The following EYA2 variants were observed in gnomAD, a reference collection of about 807,000 sequenced individuals.
EYA2 encodes the protein EYA transcriptional coactivator and phosphatase 2, also known as protein phosphatase EYA2.
In EYA2, 31 loss-of-function variants were observed where a neutral mutation model predicts 69.2. The observed-to-expected ratio is 0.45, with a 90% CI of 0.34 to 0.60. The LOEUF is 0.60. Among genes scored for constraint, EYA2 ranks in the 20% least tolerant of loss-of-function variants. The pLI is 0.02. For synonymous variants in EYA2, 257 were observed against 279.4 expected, an observed-to-expected ratio of 0.92 and a Z score of 0.80; for missense variants, 622 against 701.2, an observed-to-expected ratio of 0.89 and a Z score of 1.28.
At chr20:47,173,522 A>C (rs2034368773) in intron 12 of EYA2, among the ~76,000 whole-genome samples, 1 of 151,320 alleles carries the variant, frequency 6.6e-6, no homozygotes, top group Non-Finnish European at 1.5e-5. Context: ...AAAAAAAAAA[A>C]AAAAAAAAAA....
chr20:47,156,186 T>TATA (rs2033947966), intron 10 of EYA2, among the ~76,000 whole-genome samples: 1 of 88,776 alleles, frequency 1.1e-5, no homozygotes, highest in Non-Finnish European at 2.3e-5. Context: ...ATATATATAT[T>TATA]AGCCGGGCAT....
chr20:47,142,793 A>G lies in EYA2; in HGVS notation c.889-266A>G, dbSNP rs113358851. On this transcript the variant is annotated intron_variant, in intron 9 of 15. Transcript: ENST00000327619. Reference sequence around the variant, plus strand: ...GATAAGTGTCCTTGCAACGCTGAACACTGTTGCAATCCCAGGGTCATTTTC... The same window carrying G: ...GATAAGTGTCCTTGCAACGCTGAACGCTGTTGCAATCCCAGGGTCATTTTC... Among the ~76,000 whole-genome samples, 335 of 152,354 alleles carry G rather than the reference A, an allele frequency of 2.2e-3. 2 individuals are homozygous for G. The highest frequency in any genetic ancestry group is 7.7e-3 in the African/African-American group (321 of 41,588).
intron 5 of EYA2, among the ~76,000 whole-genome samples, chr20:47,027,939 G>A (rs1044892943): frequency 6.6e-6 from 1 of 152,220 alleles, no homozygotes; most frequent in Non-Finnish European, 1.5e-5. Flanking sequence ...GTTATGGACT[G>A]AATTGTTTCC....
intron 9 of EYA2, among the ~76,000 whole-genome samples, chr20:47,124,060 G>A (rs1312154050): frequency 6.6e-6 from 1 of 152,022 alleles, no homozygotes; most frequent in Non-Finnish European, 1.5e-5. Flanking sequence ...AGAGAGTCCT[G>A]ATCCGGGCAC....
At position 47,157,211 on chromosome 20, in the gene EYA2, C is replaced by T. The variant is rs180675334; in HGVS notation, c.979-11928C>T. Among the ~76,000 whole-genome samples, 35 of 151,600 alleles carry T rather than the reference C, an allele frequency of 2.3e-4. 3 individuals are homozygous for T. In the East Asian group the frequency reaches 6.8e-3, roughly 29 times the overall value. On this transcript the variant is annotated intron_variant, in intron 10 of 15. Coordinates refer to ENST00000327619, the MANE Select transcript of EYA2 (RefSeq NM_005244.5). ...CTCTACTAAAAATACAAAAATTAGC[C>T]AGGCATAGTGGTGCACGCTGTAGTC...
chr20:47,157,137 T>C (rs2033968150), intron 10 of EYA2, among the ~76,000 whole-genome samples: 1 of 151,696 alleles, frequency 6.6e-6, no homozygotes, highest in East Asian at 2.0e-4. Flanking sequence ...GGCAGATCAC[T>C]TGAGGTCAGG....
chr20:47,088,572 C>A (rs1454976939), intron 7 of EYA2, among the ~76,000 whole-genome samples: 1 of 152,128 alleles, frequency 6.6e-6, no homozygotes, highest in African/African-American at 2.4e-5. Context: ...GCTGCCCCAC[C>A]CTGATTGATT....
chr20:47,044,532 A>T (rs2029932465), intron 5 of EYA2, among the ~76,000 whole-genome samples: 1 of 152,192 alleles, frequency 6.6e-6, no homozygotes, highest in Non-Finnish European at 1.5e-5. Context: ...GGGTGGGGGC[A>T]ATAGCAAGTT....
Position 47,145,584 on chromosome 20 carries a change from G to A in EYA2, c.978+2436G>A, listed in dbSNP as rs6018301. On this transcript the variant is annotated intron_variant, in intron 10 of 15. Coordinates refer to ENST00000327619, the MANE Select transcript of EYA2 (RefSeq NM_005244.5). ...TGTTAAAAAGACCTCTCTGGCTGCT[G>A]TGTGGAGAATGGGCAGTCAGAGGAG... Among the ~76,000 whole-genome samples, 1,149 of 152,264 alleles carry A rather than the reference G, an allele frequency of 7.5e-3. 18 individuals carry two copies. The highest frequency in any genetic ancestry group is 0.026 in the African/African-American group (1,082 of 41,552).
chr20:47,171,590 TGAGCAATTGGCCCAA>T (rs1334023780), intron 11 of EYA2, among the ~76,000 whole-genome samples: 1 of 152,088 alleles, frequency 6.6e-6, no homozygotes, highest in African/African-American at 2.4e-5. Flanking sequence ...ATAGAGAGAT[TGAGCAATTGGCCCAA>T]ACTCACATGG....
At position 47,188,174 on chromosome 20, in the gene EYA2, C is replaced by T. The variant is rs2146686061; in HGVS notation, c.*41C>T. On this transcript the variant is annotated 3_prime_UTR_variant, in exon 16 of 16. Transcript: ENST00000327619. ...CTCCACCTGCCATCTCACCCTCAGA[C>T]CCCCTCGCCTTCCCCACCTCCCCAC... The T allele has an allele frequency of 6.5e-7, 1 of 1,532,320 alleles. No homozygotes were observed. The highest frequency in any genetic ancestry group is 1.2e-5 in the South Asian group (1 of 83,848). The allele number at this position is 1,532,320 out of a possible 1,614,324, so 94.9% of individuals were successfully genotyped here. A position where few individuals can be genotyped will look rare whatever the true frequency, so the allele number is the denominator to read the frequency against.
intron 9 of EYA2, among the ~76,000 whole-genome samples, chr20:47,100,553 G>A (rs185888850): frequency 6.6e-6 from 1 of 152,294 alleles, no homozygotes; most frequent in East Asian, 1.9e-4. Context: ...AGTCTCCATC[G>A]TCCATAAGGA....
intron 6 of EYA2, among the ~76,000 whole-genome samples, chr20:47,073,222 A>G (rs975817456): frequency 1.3e-5 from 2 of 152,136 alleles, no homozygotes; most frequent in African/African-American, 2.4e-5. Flanking sequence ...GTTGAGAAGC[A>G]CTGGTTTGGT....
intron 5 of EYA2, among the ~76,000 whole-genome samples, chr20:47,037,685 T>A (rs1005369054): frequency 6.6e-6 from 1 of 152,114 alleles, no homozygotes; most frequent in Admixed American, 6.5e-5. Context: ...CCAGCTACAG[T>A]GGGTTGATCT....
At chr20:47,022,542 T>G (rs1251539052) in intron 5 of EYA2, among the ~76,000 whole-genome samples, 3 of 151,904 alleles carry the variant, frequency 2.0e-5, no homozygotes, top group Non-Finnish European at 2.9e-5. Flanking sequence ...TCGAACTCCT[T>G]ACCTCAAGTG....
intron 5 of EYA2, among the ~76,000 whole-genome samples, chr20:47,057,426 G>C (rs1193441433): frequency 6.6e-6 from 1 of 151,888 alleles, no homozygotes; most frequent in African/African-American, 2.4e-5. Flanking sequence ...GCTTGAGTGG[G>C]TGAATTTTGT....
intron 5 of EYA2, among the ~76,000 whole-genome samples, chr20:47,032,316 A>G (rs1223824848): frequency 6.6e-6 from 1 of 152,168 alleles, no homozygotes; most frequent in African/African-American, 2.4e-5. Flanking sequence ...TTTCCCATTC[A>G]GTAGCTTTAC....
chr20:47,043,295 A>G (rs921325082), intron 5 of EYA2, among the ~76,000 whole-genome samples: 1 of 152,150 alleles, frequency 6.6e-6, no homozygotes, highest in African/African-American at 2.4e-5. Context: ...TTTAAGTAGG[A>G]CAGGAGGCAC....
At chr20:46,934,701 A>T (rs1176289277) in intron 1 of EYA2, among the ~76,000 whole-genome samples, 1 of 151,976 alleles carries the variant, frequency 6.6e-6, no homozygotes, top group Non-Finnish European at 1.5e-5. Flanking sequence ...GATTATGTGC[A>T]CTGGGTGGAA....
Sources: gnomAD v4.1 joint callset for allele counts (sites outside exome capture counted in the v4.1 genomes callset) on GRCh38, gnomAD v4.1.1 for gene constraint, MANE v1.5 for transcripts, NCBI Gene and HGNC (gene_info 2026-07-23, HGNC 2026-07-21) for gene names.